CCDC175: variants seen among roughly 807,000 people sequenced by gnomAD.
CCDC175 encodes the protein coiled-coil domain containing 175.
Under a neutral mutation model 114.6 loss-of-function variants are expected in CCDC175, and 100 were observed. The ratio of observed to expected loss-of-function variants is 0.87; its 90% confidence interval spans 0.74 to 1.03. The LOEUF (loss-of-function observed/expected upper bound fraction) is 1.03. CCDC175 is among the 50% of genes least tolerant of loss of function. CCDC175 has a pLI of 0.00. For missense variants in CCDC175, 880 were observed against 917.8 expected, an observed-to-expected ratio of 0.96 and a Z score of 0.53; for synonymous variants, 306 against 308.7, an observed-to-expected ratio of 0.99 and a Z score of 0.09.
chr14:59,515,546 A>C (rs1893027761), intron 17 of CCDC175, among the ~76,000 whole-genome samples: 1 of 152,216 alleles, frequency 6.6e-6, no homozygotes, highest in South Asian at 2.1e-4. Context: ...ACTTTAAACC[A>C]ACAAAGATCA....
At position 59,531,821 on chromosome 14, in the gene CCDC175, C is replaced by A; in HGVS notation, c.1713G>T (p.Glu571Asp). Residue 571 changes from glutamate to aspartate, a missense_variant, in exon 14 of 20, where the codon GAG becomes GAT. Physicochemically the swap from Glu to Asp is conservative, Grantham distance 45. Transcript: ENST00000537690. The stretch of plus-strand genomic sequence containing the variant: ...CTAACTTTCTTCTTTTCTCTTTATA[C>A]TCTTGTTCTGCCACCTGAAGTTGTG... ...YLPQLQVAEQ[E>D]YKEKRRKLEE... 1 of 1,497,806 alleles carries A rather than the reference C, an allele frequency of 6.7e-7. No individual in the cohort carries two copies. The highest frequency in any genetic ancestry group is 9.0e-7 in the Non-Finnish European group (1 of 1,114,620). The allele number at this position is 1,497,806 out of a possible 1,614,324, so 92.8% of individuals were successfully genotyped here.
At chr14:59,508,960 C>G (rs572801660) in intron 19 of CCDC175, among the ~76,000 whole-genome samples, 1 of 152,232 alleles carries the variant, frequency 6.6e-6, no homozygotes, top group East Asian at 1.9e-4. Flanking sequence ...GGCTCCATTG[C>G]TATAGCAAGT....
intron 5 of CCDC175, chr14:59,564,386 C>G (rs1896398390): frequency 6.5e-6 from 1 of 153,112 alleles, no homozygotes. Context: ...CTTGTTAGAC[C>G]CTAATGAACG....
At chr14:59,508,409 C>CACACACACACACACACAA (rs1566589710) in intron 19 of CCDC175, among the ~76,000 whole-genome samples, 1 of 143,910 alleles carries the variant, frequency 6.9e-6, no homozygotes, top group African/African-American at 2.6e-5. Context: ...TACACACACA[C>CACACACACACACACACAA]ACACACACAC....
At chr14:59,556,427 G>T (rs1232159958) in intron 7 of CCDC175, among the ~76,000 whole-genome samples, 1 of 152,166 alleles carries the variant, frequency 6.6e-6, no homozygotes, top group Non-Finnish European at 1.5e-5. Context: ...GCTGAAACTG[G>T]ATCCCTTCTT....
At position 59,576,701 on chromosome 14, in the gene CCDC175, G is replaced by C; in HGVS notation, c.75C>G (p.Gly25=). The C allele has an allele frequency of 6.7e-7, 1 of 1,487,526 alleles. No individual in the cohort carries two copies. The highest frequency in any genetic ancestry group is 8.9e-7 in the Non-Finnish European group (1 of 1,126,446). 92.1% of individuals were successfully genotyped at this position (1,487,526 alleles called of 1,614,324 possible). Residue 25 remains glycine, a synonymous_variant, in exon 1 of 20, where the codon GGC becomes GGG. Coordinates refer to ENST00000537690, the MANE Select transcript of CCDC175 (RefSeq NM_001164399.2). The stretch of plus-strand genomic sequence containing the variant: ...GTAAGGTGCATAACTCCAGGGAGGG[G>C]CCAGTGGAGACGGCAGCCGCCTGCA... ...KLVQAAAVST[G]PSLELCTLPS... is the part of the protein sequence containing the mutation.
At position 59,511,784 on chromosome 14, in the gene CCDC175, C is replaced by T; in HGVS notation, c.2118G>A (p.Trp706Ter). 1 of 1,535,688 alleles carries T rather than the reference C, an allele frequency of 6.5e-7. No individual in the cohort carries two copies. The highest frequency in any genetic ancestry group is 1.2e-5 in the South Asian group (1 of 84,004). ...IAQEAQYKDL[W>*]AEFQTTVKIL... ...CCTTAACTGTGGTCTGAAATTCAGC[C>T]CACAAATCCTTATATTGTGCTAAAA... is the stretch of plus-strand genomic sequence containing the variant. The change falls in exon 18 of 20, where the codon TGG becomes TGA. Residue 706 changes from tryptophan (W) to a stop codon, truncating the protein, a stop_gained. Transcript: ENST00000537690. LOFTEE classifies it high-confidence loss of function.
intron 17 of CCDC175, among the ~76,000 whole-genome samples, chr14:59,512,014 T>C (rs1270695759): frequency 6.6e-6 from 1 of 152,118 alleles, no homozygotes; most frequent in Non-Finnish European, 1.5e-5. Context: ...TTTTCAGATG[T>C]TGAAGAATGG....
chr14:59,509,766 T>C (rs1032595736), intron 19 of CCDC175, among the ~76,000 whole-genome samples: 1 of 152,200 alleles, frequency 6.6e-6, no homozygotes, highest in Non-Finnish European at 1.5e-5. Flanking sequence ...TGCCTCAGCC[T>C]CCCAAAGTGC....
At chr14:59,561,276 T>C (rs777106553) in intron 6 of CCDC175, 48 bp from the exon 7 acceptor site, 30 of 981,566 alleles carry the variant, frequency 3.1e-5, no homozygotes, top group Non-Finnish European at 1.9e-5. Context: ...CACCAAGTGA[T>C]TCATAACAGC....
At chr14:59,558,411 C>T (rs564794438) in intron 7 of CCDC175, among the ~76,000 whole-genome samples, 2 of 152,204 alleles carry the variant, frequency 1.3e-5, no homozygotes, top group African/African-American at 4.8e-5. Context: ...GAAAAGATCA[C>T]GGCTGTTCAG....
At chr14:59,560,645 A>T (rs1292542036) in intron 7 of CCDC175, among the ~76,000 whole-genome samples, 1 of 152,186 alleles carries the variant, frequency 6.6e-6, no homozygotes, top group Non-Finnish European at 1.5e-5. Context: ...CTTTGGATGG[A>T]TGGAAGACCT....
At chr14:59,516,836 T>G (rs938813182) in intron 17 of CCDC175, among the ~76,000 whole-genome samples, 18 of 152,318 alleles carry the variant, frequency 1.2e-4, no homozygotes, top group African/African-American at 4.3e-4. Context: ...AGCATCATCC[T>G]GATACCAAAG....
In CCDC175 at chr14:59,510,686, C is replaced by G. The variant is rs1434722269; in HGVS notation, c.2265G>C (p.Leu755=). Residue 755 remains leucine, a synonymous_variant, in exon 19 of 20, where the codon CTG becomes CTC. Coordinates refer to ENST00000537690, the MANE Select transcript of CCDC175 (RefSeq NM_001164399.2). ...STWLRGSLEG[L]RLLVEQESPM... is the part of the protein sequence containing the mutation. Reference sequence around the variant, plus strand: ...GTGATTCCTGTTCCACAAGCAAACGCAGCCCTTCAAGACTCCCTCGTAGCC... The same window carrying G: ...GTGATTCCTGTTCCACAAGCAAACGGAGCCCTTCAAGACTCCCTCGTAGCC... The G allele has an allele frequency of 6.5e-7, 1 of 1,537,248 alleles. No homozygotes were observed. The highest frequency in any genetic ancestry group is 2.4e-5 in the East Asian group (1 of 40,900).
Position 59,538,128 on chromosome 14 carries a change from A to G in CCDC175, c.1518T>C (p.Ser506=), listed in dbSNP as rs1166860654. Residue 506 remains serine, a synonymous_variant, in exon 13 of 20, where the codon AGT becomes AGC. Coordinates refer to ENST00000537690, the MANE Select transcript of CCDC175 (RefSeq NM_001164399.2). ...NETSFRQQEI[S]GFVAQIEKLT... ...GTTTTTCAATCTGTGCCACAAATCC[A>G]CTGATCTCCTGTTGTCTGAAACTGG... 8 of 1,534,812 alleles carry G rather than the reference A, an allele frequency of 5.2e-6. No individual in the cohort carries two copies. The highest frequency in any genetic ancestry group is 1.2e-5 in the South Asian group (1 of 83,944).
At chr14:59,514,754 A>C (rs562266153) in intron 17 of CCDC175, among the ~76,000 whole-genome samples, 2 of 152,336 alleles carry the variant, frequency 1.3e-5, no homozygotes, top group East Asian at 1.9e-4. Context: ...AGGATATCAT[A>C]CAGGAGAACT....
chr14:59,566,355 C>T lies in CCDC175; in HGVS notation c.492-1080G>A, dbSNP rs1363836158. Reference sequence around the variant, plus strand: ...TTAAAAGCTCCTGCAATGTAAAGACCCTTTTCCTTTTGCTAGTCCTCAAGG... The same window carrying T: ...TTAAAAGCTCCTGCAATGTAAAGACTCTTTTCCTTTTGCTAGTCCTCAAGG... On this transcript the variant is annotated intron_variant, in intron 4 of 19. Coordinates refer to ENST00000537690, the MANE Select transcript of CCDC175 (RefSeq NM_001164399.2). Among the ~76,000 whole-genome samples the T allele has an allele frequency of 2.0e-5, 3 of 152,148 alleles. No homozygotes were observed. In the East Asian group the frequency reaches 5.8e-4, roughly 29 times the overall value.
At chr14:59,545,534 G>A (rs1028545690) in intron 8 of CCDC175, among the ~76,000 whole-genome samples, 4 of 152,124 alleles carry the variant, frequency 2.6e-5, no homozygotes, top group African/African-American at 4.8e-5. Flanking sequence ...AAACCATAGA[G>A]TAATAATCCA....
chr14:59,556,020 C>T (rs1895875939), intron 7 of CCDC175, among the ~76,000 whole-genome samples: 1 of 152,148 alleles, frequency 6.6e-6, no homozygotes, highest in Non-Finnish European at 1.5e-5. Context: ...GAATCAATAT[C>T]ATGAAAATGG....
Sources: gnomAD v4.1 joint callset for allele counts (sites outside exome capture counted in the v4.1 genomes callset) on GRCh38, gnomAD v4.1.1 for gene constraint, MANE v1.5 for transcripts, NCBI Gene and HGNC (gene_info 2026-07-23, HGNC 2026-07-21) for gene names.